The following NXN variants were observed in gnomAD, a reference collection of about 807,000 sequenced individuals.
NXN encodes the protein nucleoredoxin.
Under a neutral mutation model 48.6 loss-of-function variants are expected in NXN, and 16 were observed. That is an observed-to-expected ratio of 0.33 (90% CI 0.22 to 0.50). The LOEUF (loss-of-function observed/expected upper bound fraction) is 0.50. NXN is among the 20% of genes least tolerant of loss of function. The probability of loss-of-function intolerance (pLI) is 0.98; values close to 1 mark genes in which losing one functional copy is unlikely to be tolerated. For synonymous variants in NXN, 281 were observed against 269.6 expected (o/e 1.04, Z -0.41); for missense variants, 492 against 605.5 (o/e 0.81, Z 1.97).
intron 1 of NXN, among the ~76,000 whole-genome samples, chr17:973,311 C>T (rs993355185): frequency 6.6e-6 from 1 of 152,210 alleles, no homozygotes; most frequent in Non-Finnish European, 1.5e-5. Flanking sequence ...GATGAGCACC[C>T]TCCATTTCCC....
chr17:803,100 G>A (rs984573924), intron 7 of NXN, among the ~76,000 whole-genome samples: 3 of 152,186 alleles, frequency 2.0e-5, no homozygotes, highest in African/African-American at 2.4e-5. Context: ...GGGTACCTGC[G>A]GGAGGGCGCT....
At chr17:866,409 G>A (rs1176533946) in intron 1 of NXN, among the ~76,000 whole-genome samples, 2 of 152,034 alleles carry the variant, frequency 1.3e-5, no homozygotes, top group South Asian at 2.1e-4. Context: ...ATGGTGAAAC[G>A]CTGTCTCTAC....
chr17:942,534 CAT>C (rs1567511793), intron 1 of NXN, among the ~76,000 whole-genome samples: 10 of 38,476 alleles, frequency 2.6e-4, no homozygotes, highest in South Asian at 1.6e-3. Context: ...CATGAACTCA[CAT>C]CACACCTTCC....
chr17:846,547 C>T (rs1186432236), intron 1 of NXN, among the ~76,000 whole-genome samples: 1 of 152,088 alleles, frequency 6.6e-6, no homozygotes, highest in Admixed American at 6.5e-5. Context: ...GCCATGAGAG[C>T]ACACCTGAAC....
intron 1 of NXN, among the ~76,000 whole-genome samples, chr17:890,550 A>G (rs2068405187): frequency 6.8e-6 from 1 of 146,850 alleles, no homozygotes; most frequent in Non-Finnish European, 1.5e-5. Context: ...AATTTTTTGT[A>G]TTTTTTTTTT....
At chr17:909,346 T>C (rs2068612301) in intron 1 of NXN, among the ~76,000 whole-genome samples, 1 of 152,148 alleles carries the variant, frequency 6.6e-6, no homozygotes, top group Non-Finnish European at 1.5e-5. Context: ...TTTATATTTA[T>C]TCTTCTGTGG....
In NXN at chr17:979,480, C is replaced by G. The variant is rs1313690052; in HGVS notation, c.199G>C (p.Gly67Arg). ...CCGGCCCCCGCTCCCGGCCCCGGCC[C>G]GGCCGCCGCGTCCCCCCGCAGGCGC... is the stretch of plus-strand genomic sequence containing the variant. ...YGRLRGDAAA[G>R]PGPGAGAGAA... Residue 67 changes from glycine to arginine, a missense_variant, in exon 1 of 8, where the codon GGG becomes CGG. Transcript: ENST00000336868. The G allele has an allele frequency of 8.4e-7, 1 of 1,193,564 alleles. No individual in the cohort carries two copies. The highest frequency in any genetic ancestry group is 4.5e-5 in the Admixed American group (1 of 22,184). 73.9% of individuals were successfully genotyped at this position (1,193,564 alleles called of 1,614,324 possible).
chr17:898,952 C>CT lies in NXN; in HGVS notation c.361-72875dup, dbSNP rs569415982. ...GGCTGGGATTCTGCCTCTGTGCATGCTTTTTTTTTTTTTCTTTTTTTTTGA... is the reference window on the plus strand; with the variant it reads ...GGCTGGGATTCTGCCTCTGTGCATGCTTTTTTTTTTTTTTCTTTTTTTTTGA... On this transcript the variant is annotated intron_variant, in intron 1 of 7. Coordinates refer to ENST00000336868, the MANE Select transcript of NXN (RefSeq NM_022463.5). Among the ~76,000 whole-genome samples, 117 of 61,414 alleles carry CT rather than the reference C, an allele frequency of 1.9e-3. 35 individuals carry two copies. The East Asian group carries it at 0.059, about 31-fold the overall frequency. 40.3% of individuals were successfully genotyped at this position (61,414 alleles called of 152,430 possible).
intron 1 of NXN, among the ~76,000 whole-genome samples, chr17:957,861 G>A (rs1342484032): frequency 1.3e-5 from 2 of 152,016 alleles, no homozygotes; most frequent in African/African-American, 2.4e-5. Context: ...ACAGACCCCC[G>A]CAGTCAGCTT....
intron 4 of NXN, 62 bp downstream of exon 4, chr17:822,295 G>GAA (rs973942697): frequency 8.1e-7 from 1 of 1,239,876 alleles, no homozygotes; most frequent in Admixed American, 1.9e-5. Flanking sequence ...AAAAAGAAAA[G>GAA]AAAAAAAATG....
Position 956,016 on chromosome 17 carries a change from C to A in NXN, c.360+23303G>T, listed in dbSNP as rs1216995479. ...TCCTCCCTGAGCCTCAGTTTCCCTG[C>A]CTGTCAAAGAAGACTGTGGCCACAT... On this transcript the variant is annotated intron_variant, in intron 1 of 7. Transcript: ENST00000336868. This position sits in a 1 kb window ranked among gnomAD's most constrained non-coding sequence, Gnocchi z 4.1. 6.6e-6 allele frequency among the ~76,000 whole-genome samples: 1 copy of A among 151,840 alleles called. No individual in the cohort carries two copies. The highest frequency in any genetic ancestry group is 2.4e-5 in the African/African-American group (1 of 41,164).
chr17:860,550 C>T lies in NXN; in HGVS notation c.361-34472G>A, dbSNP rs200820009. Among the ~76,000 whole-genome samples, 9 of 18,370 alleles carry T rather than the reference C, an allele frequency of 4.9e-4. No homozygotes were observed. The East Asian group carries it at 8.9e-3, about 18-fold the overall frequency. The allele number at this position is 18,370 out of a possible 152,430, so 12.1% of individuals were successfully genotyped here. ...CTGGGATGACAGGCGTGAGCCACCGCGCCCGGCTAATTTTTGTATTTTCCA... is the reference window on the plus strand; with the variant it reads ...CTGGGATGACAGGCGTGAGCCACCGTGCCCGGCTAATTTTTGTATTTTCCA... On this transcript the variant is annotated intron_variant, in intron 1 of 7. Coordinates refer to ENST00000336868, the MANE Select transcript of NXN (RefSeq NM_022463.5).
At position 956,632 on chromosome 17, in the gene NXN, CT is replaced by C. The variant is rs796421713; in HGVS notation, c.360+22686del. Among the ~76,000 whole-genome samples the C allele has an allele frequency of 5.9e-5, 9 of 152,300 alleles. No individual in the cohort carries two copies. The highest frequency in any genetic ancestry group is 2.2e-4 in the African/African-American group (9 of 41,546). The stretch of plus-strand genomic sequence containing the variant: ...GTTTCACCGTGTTAGCCAGGATGGT[CT>C]CGATCTCCAGACCTCAGGTGATCCG... On this transcript the variant is annotated intron_variant, in intron 1 of 7. Transcript: ENST00000336868. The surrounding 1 kb of genome is among the most constrained non-coding windows in gnomAD (Gnocchi z 4.1).
chr17:946,804 C>T (rs759632061), intron 1 of NXN, among the ~76,000 whole-genome samples: 7 of 152,186 alleles, frequency 4.6e-5, no homozygotes, highest in Non-Finnish European at 1.0e-4. Context: ...GGGGTGATCA[C>T]GCCAACGTCA....
At position 844,090 on chromosome 17, in the gene NXN, A is replaced by T. The variant is rs890939269; in HGVS notation, c.361-18012T>A. 3.6e-5 allele frequency among the ~76,000 whole-genome samples: 5 copies of T among 140,510 alleles called. No individual in the cohort carries two copies. In the Admixed American group the frequency reaches 3.6e-4, roughly 10 times the overall value. 92.2% of individuals were successfully genotyped at this position (140,510 alleles called of 152,430 possible). Reference sequence around the variant, plus strand: ...AGGTGGAGACCAGGCGGTGGAGACCAGGCCATTCTACGTGCCGTCCTGCCT... The same window carrying T: ...AGGTGGAGACCAGGCGGTGGAGACCTGGCCATTCTACGTGCCGTCCTGCCT... On this transcript the variant is annotated intron_variant, in intron 1 of 7. Transcript: ENST00000336868.
chr17:824,622 C>G (rs77919956), intron 2 of NXN, among the ~76,000 whole-genome samples: 9,037 of 152,234 alleles, frequency 0.059, 287 homozygotes, highest in Middle Eastern at 0.14. Context: ...GCCCCACGCC[C>G]AGAGATTCTG....
At chr17:969,908 A>G (rs2069353468) in intron 1 of NXN, among the ~76,000 whole-genome samples, 1 of 152,076 alleles carries the variant, frequency 6.6e-6, no homozygotes, top group Non-Finnish European at 1.5e-5. Context: ...ATGAGATAAA[A>G]CCGTCATTCA....
At chr17:834,740 G>A (rs191353492) in intron 1 of NXN, among the ~76,000 whole-genome samples, 15 of 151,244 alleles carry the variant, frequency 9.9e-5, no homozygotes, top group African/African-American at 1.9e-4. Context: ...CGCTGGTCTC[G>A]AACCTCCTGA....
At chr17:878,876 G>A (rs72812014) in intron 1 of NXN, among the ~76,000 whole-genome samples, 14,319 of 152,144 alleles carry the variant, frequency 0.094, 775 homozygotes, top group African/African-American at 0.15. Context: ...GAAAGAATGC[G>A]TAGACAGGCC....
Sources: gnomAD v4.1 joint callset for allele counts (sites outside exome capture counted in the v4.1 genomes callset) on GRCh38, gnomAD v4.1.1 for gene constraint, Gnocchi (gnomAD v3.1) non-coding constraint, MANE v1.5 for transcripts, NCBI Gene and HGNC (gene_info 2026-07-23, HGNC 2026-07-21) for gene names.